PI4KB: variants seen among roughly 807,000 people sequenced by gnomAD.
PI4KB encodes PtdIns 4-kinase beta.
In PI4KB, 23 loss-of-function variants were observed where a neutral mutation model predicts 81.4. The observed-to-expected ratio is 0.28, with a 90% confidence interval of 0.20 to 0.40. The LOEUF (loss-of-function observed/expected upper bound fraction) is 0.40. Ranked by LOEUF, PI4KB falls within the 10% of genes least tolerant of loss-of-function variation. The pLI, the probability that PI4KB is intolerant of heterozygous loss-of-function variation, is 1.00. For synonymous variants in PI4KB, 381 were observed against 406.8 expected, an observed-to-expected ratio of 0.94 and a Z score of 0.76; for missense variants, 651 against 1,036.6, an observed-to-expected ratio of 0.63 and a Z score of 5.11.
At chr1:151,309,921 C>T (rs1266801339) in intron 3 of PI4KB, among the ~76,000 whole-genome samples, 1 of 152,170 alleles carries the variant, frequency 6.6e-6, no homozygotes, top group Non-Finnish European at 1.5e-5. Context: ...TCTCTCCCAG[C>T]TGTTTGCTCC....
At chr1:151,327,056 G>A (rs1649721351) in intron 1 of PI4KB, among the ~76,000 whole-genome samples, 1 of 152,192 alleles carries the variant, frequency 6.6e-6, no homozygotes, top group South Asian at 2.1e-4. Context: ...CCCCGAGGCA[G>A]AGGGAGGAGC....
At chr1:151,312,361 G>A (rs1248994151) in intron 2 of PI4KB, among the ~76,000 whole-genome samples, 1 of 152,168 alleles carries the variant, frequency 6.6e-6, no homozygotes, top group African/African-American at 2.4e-5. Context: ...CAGAGTGTTA[G>A]GGTCTACCTA....
At chr1:151,297,280 A>G (rs1296432443) in intron 9 of PI4KB, among the ~76,000 whole-genome samples, 1 of 150,472 alleles carries the variant, frequency 6.6e-6, no homozygotes, top group Non-Finnish European at 1.5e-5. Flanking sequence ...GGATCTAACT[A>G]TGTTGCCTAG....
At chr1:151,324,110 C>T (rs1173576290) in intron 1 of PI4KB, among the ~76,000 whole-genome samples, 1 of 152,044 alleles carries the variant, frequency 6.6e-6, no homozygotes, top group African/African-American at 2.4e-5. Context: ...GCCACCACAC[C>T]TGGCTAATTT....
chr1:151,307,681 G>A lies in PI4KB; in HGVS notation c.1075C>T (p.Leu359Phe), dbSNP rs1695896159. ...TQRLISELSL[L>F]NHKLPARVWL... Reference sequence around the variant, plus strand: ...ACTCGGGCAGGGAGCTTATGGTTGAGCAGGGAGAGCTCTGAGATCAGCCTC... The same window carrying A: ...ACTCGGGCAGGGAGCTTATGGTTGAACAGGGAGAGCTCTGAGATCAGCCTC... Residue 359 changes from leucine (L) to phenylalanine (F), a missense_variant, in exon 4 of 12, where the codon CTC becomes TTC. This residue lies in a region of PI4KB where 246 missense variants were observed against 430.1 expected (regional missense o/e 0.57). Coordinates refer to ENST00000368873, the MANE Select transcript of PI4KB (RefSeq NM_001369623.2). 1.2e-6 allele frequency: 2 copies of A among 1,614,184 alleles called. No individual in the cohort carries two copies. Among genetic ancestry groups the A allele is most frequent in the Non-Finnish European group, 1.7e-6 (2 of 1,180,000 alleles).
chr1:151,321,822 G>A (rs1212123179), intron 1 of PI4KB, among the ~76,000 whole-genome samples: 2 of 143,854 alleles, frequency 1.4e-5, no homozygotes, highest in African/African-American at 5.2e-5. Flanking sequence ...GCAGTGAGCC[G>A]AGATCACACC....
At position 151,317,172 on chromosome 1, in the gene PI4KB, C is replaced by T. The variant is rs1356291270; in HGVS notation, c.-28-663G>A. Among the ~76,000 whole-genome samples the T allele has an allele frequency of 2.9e-5, 4 of 140,156 alleles. No homozygotes were observed. In the East Asian group the frequency reaches 8.2e-4, roughly 29 times the overall value. The allele number at this position is 140,156 out of a possible 152,430, so 91.9% of individuals were successfully genotyped here. On this transcript the variant is annotated intron_variant, in intron 1 of 11. Transcript: ENST00000368873. ...TTTTTTTTTTTGAGACAAGGTCTTG[C>T]TCTGTTACCCAGGCTGAAGTGCAGT... is the stretch of plus-strand genomic sequence containing the variant.
At chr1:151,327,456 C>A (rs1345821698), upstream of PI4KB, 5 of 397,236 alleles carry the variant, frequency 1.3e-5, no homozygotes, top group Non-Finnish European at 2.2e-5. Context: ...GGCCTTCAGG[C>A]TGCCACAAGT....
chr1:151,325,226 C>T (rs147727600), intron 1 of PI4KB, among the ~76,000 whole-genome samples: 1,785 of 152,102 alleles, frequency 0.012, 38 homozygotes, highest in African/African-American at 0.04. Context: ...CTCCTGACCT[C>T]GGGTGATCTG....
At chr1:151,313,691 C>A (rs587636036) in intron 2 of PI4KB, among the ~76,000 whole-genome samples, 1 of 152,372 alleles carries the variant, frequency 6.6e-6, no homozygotes, top group South Asian at 2.1e-4. Flanking sequence ...CAAGCTCAAC[C>A]AGATATGAAA....
intron 2 of PI4KB, among the ~76,000 whole-genome samples, chr1:151,314,852 T>C (rs1647670799): frequency 6.6e-6 from 1 of 152,154 alleles, no homozygotes; most frequent in South Asian, 2.1e-4. Context: ...CAATAGTACC[T>C]TTTCCTTTCC....
chr1:151,293,089 C>CA (rs1694438823), intron 11 of PI4KB, 56 bp from the exon 12 acceptor site: 1 of 1,591,176 alleles, frequency 6.3e-7, no homozygotes, highest in African/African-American at 1.3e-5. Context: ...GCAGTGGTGT[C>CA]AGCCATAGCA....
intron 2 of PI4KB, among the ~76,000 whole-genome samples, chr1:151,311,136 T>C (rs6703182): frequency 1.3e-5 from 2 of 152,142 alleles, no homozygotes; most frequent in Non-Finnish European, 2.9e-5. Context: ...AAAGAGATGG[T>C]GTCAAACTCT....
intron 2 of PI4KB, among the ~76,000 whole-genome samples, chr1:151,314,529 TC>T (rs1346787492): frequency 3.3e-5 from 5 of 152,218 alleles, no homozygotes; most frequent in African/African-American, 1.2e-4. Flanking sequence ...TGCTGTAGCT[TC>T]CTCTTCTTCC....
chr1:151,303,400 G>C, intron 6 of PI4KB, 141 bp downstream of exon 6: 1 of 687,862 alleles, frequency 1.5e-6, no homozygotes, highest in Non-Finnish European at 2.7e-6. Flanking sequence ...CTCAAGTTTG[G>C]TGGCCCCAAA....
chr1:151,325,822 T>C (rs1314102664), intron 1 of PI4KB, among the ~76,000 whole-genome samples: 1 of 152,156 alleles, frequency 6.6e-6, no homozygotes, highest in East Asian at 1.9e-4. Context: ...AATCTGATTT[T>C]TTCCCCCAAC....
At chr1:151,316,564 G>T (rs1290519816) in intron 1 of PI4KB, 55 bp from the exon 2 acceptor site, 4 of 1,291,366 alleles carry the variant, frequency 3.1e-6, no homozygotes, top group Non-Finnish European at 4.2e-6. Context: ...ACACACATTG[G>T]TTAGTGGTGC....
intron 2 of PI4KB, among the ~76,000 whole-genome samples, chr1:151,311,279 G>C (rs373708473): frequency 3.3e-5 from 5 of 152,280 alleles, no homozygotes; most frequent in Middle Eastern, 6.8e-3. Flanking sequence ...AGGTCGGGGT[G>C]GGGGAGGTTA....
chr1:151,314,267 T>C (rs1475906426), intron 2 of PI4KB, among the ~76,000 whole-genome samples: 1 of 152,190 alleles, frequency 6.6e-6, no homozygotes, highest in Non-Finnish European at 1.5e-5. Flanking sequence ...TTTCAAAAAG[T>C]GCAAATTCCT....
Sources: allele counts gnomAD v4.1 joint callset (sites outside exome capture counted in the v4.1 genomes callset), GRCh38; gene constraint gnomAD v4.1.1; regional missense constraint gnomAD v4.1.1; transcripts MANE v1.5; gene names NCBI Gene and HGNC (gene_info 2026-07-23, HGNC 2026-07-21).